GRID2: variants seen among roughly 807,000 people sequenced by gnomAD.
GRID2 encodes glutamate ionotropic receptor delta type subunit 2.
In GRID2, 33 loss-of-function variants were observed where a neutral mutation model predicts 114.8. That is an observed-to-expected ratio of 0.29 (90% CI 0.22 to 0.38). The LOEUF is 0.38. Ranked by LOEUF, GRID2 falls within the 10% of genes least tolerant of loss-of-function variation. The pLI is 1.00. For synonymous variants in GRID2, 505 were observed against 449.9 expected (o/e 1.12, Z -1.55); for missense variants, 1,184 against 1,257.7 (o/e 0.94, Z 0.89).
At chr4:92,928,068 C>T (rs1749959590) in intron 2 of GRID2, among the ~76,000 whole-genome samples, 1 of 151,538 alleles carries the variant, frequency 6.6e-6, no homozygotes, top group African/African-American at 2.4e-5. Flanking sequence ...TAATCCAGAC[C>T]AAAAGGGCTA....
chr4:93,387,800 A>G (rs1764470989), intron 8 of GRID2, among the ~76,000 whole-genome samples: 1 of 149,758 alleles, frequency 6.7e-6, no homozygotes, highest in Admixed American at 6.7e-5. Context: ...ACTGCACTCC[A>G]GTCTGGGCAA....
intron 14 of GRID2, among the ~76,000 whole-genome samples, chr4:93,695,000 C>T (rs991287388): frequency 5.3e-5 from 8 of 151,922 alleles, no homozygotes; most frequent in Admixed American, 6.6e-5. Context: ...AGTGAAACCC[C>T]GTCTCTACTA....
chr4:93,717,640 C>T (rs546542165), intron 14 of GRID2, among the ~76,000 whole-genome samples: 13 of 152,110 alleles, frequency 8.5e-5, no homozygotes, highest in East Asian at 5.8e-4. Flanking sequence ...TATAACCATA[C>T]GTTTAAGATC....
intron 14 of GRID2, among the ~76,000 whole-genome samples, chr4:93,735,409 T>G (rs1234583849): frequency 6.6e-6 from 1 of 152,020 alleles, no homozygotes; most frequent in Admixed American, 6.6e-5. Context: ...ATTTTCCACA[T>G]GTAATTTTAT....
intron 5 of GRID2, among the ~76,000 whole-genome samples, chr4:93,213,624 A>G (rs1040069132): frequency 3.9e-5 from 6 of 152,164 alleles, no homozygotes; most frequent in Admixed American, 2.6e-4. Flanking sequence ...TTTTTAGTCT[A>G]AATTGGCATC....
intron 13 of GRID2, among the ~76,000 whole-genome samples, chr4:93,552,484 A>G (rs1733860431): frequency 6.6e-6 from 1 of 152,140 alleles, no homozygotes; most frequent in South Asian, 2.1e-4. Context: ...GAACTAGTTG[A>G]CAGTCCCACC....
chr4:92,318,091 T>C (rs1726094064), intron 1 of GRID2, among the ~76,000 whole-genome samples: 1 of 151,890 alleles, frequency 6.6e-6, no homozygotes. Context: ...TTATAGACCA[T>C]GAAGAGGAAT....
At chr4:92,578,166 G>C in intron 1 of GRID2, among the ~76,000 whole-genome samples, 1 of 146,616 alleles carries the variant, frequency 6.8e-6, no homozygotes, top group Non-Finnish European at 1.5e-5. Context: ...TGTGCACAAC[G>C]TGCAGGTTAG....
chr4:93,746,469 C>A (rs1731849710), intron 14 of GRID2, among the ~76,000 whole-genome samples: 1 of 150,122 alleles, frequency 6.7e-6, no homozygotes, highest in African/African-American at 2.5e-5. Context: ...TCTTCCAACA[C>A]ATACAGGCCA....
At chr4:92,757,434 A>G (rs1737776906) in intron 2 of GRID2, among the ~76,000 whole-genome samples, 1 of 152,160 alleles carries the variant, frequency 6.6e-6, no homozygotes, top group African/African-American at 2.4e-5. Flanking sequence ...ATTTATTCAC[A>G]AACATTTATT....
intron 13 of GRID2, among the ~76,000 whole-genome samples, chr4:93,548,824 A>G (rs1733486724): frequency 6.6e-6 from 1 of 152,182 alleles, no homozygotes; most frequent in African/African-American, 2.4e-5. Flanking sequence ...GAGTAGAACT[A>G]ATGTACTGGA....
intron 4 of GRID2, among the ~76,000 whole-genome samples, chr4:93,147,471 T>C: frequency 6.6e-6 from 1 of 152,168 alleles, no homozygotes; most frequent in East Asian, 1.9e-4. Context: ...AAAATGTACT[T>C]TTTTTTGAAA....
rs2149482835 is a variant in GRID2 at position 93,216,749 on chromosome 4, T to C, written c.801T>C (p.Asp267=). The change falls in exon 6 of 16, where the codon GAT becomes GAC. Residue 267 remains aspartate, a synonymous_variant. Coordinates refer to ENST00000282020, the MANE Select transcript of GRID2 (RefSeq NM_001510.4). ...HWIIINEEIN[D]VDVQELVRRS... ...CTCTTATCTTATAGGAAATAAACGA[T>C]GTGGACGTACAGGAACTTGTAAGAA... is the stretch of plus-strand genomic sequence containing the variant. The C allele has an allele frequency of 6.2e-7, 1 of 1,606,084 alleles. No homozygotes were observed. Among genetic ancestry groups the C allele is most frequent in the South Asian group, 1.1e-5 (1 of 90,846 alleles).
intron 9 of GRID2, among the ~76,000 whole-genome samples, chr4:93,409,429 A>G (rs1206776853): frequency 6.6e-6 from 1 of 152,170 alleles, no homozygotes; most frequent in African/African-American, 2.4e-5. Flanking sequence ...AAGTCAGATC[A>G]GATTTCAAAT....
At chr4:92,925,705 T>C (rs1264453610) in intron 2 of GRID2, among the ~76,000 whole-genome samples, 2 of 152,064 alleles carry the variant, frequency 1.3e-5, no homozygotes, top group African/African-American at 4.8e-5. Flanking sequence ...TTGAAATTCC[T>C]ACCCAGGCAT....
chr4:92,697,022 A>ATT (rs1734452492), intron 2 of GRID2, among the ~76,000 whole-genome samples: 1 of 152,180 alleles, frequency 6.6e-6, no homozygotes, highest in Non-Finnish European at 1.5e-5. Context: ...TGTGAAATGA[A>ATT]TTTTAGTGTT....
chr4:92,411,652 T>TATATATATATATATATATATAC (rs1731319253), intron 1 of GRID2, among the ~76,000 whole-genome samples: 1 of 120,926 alleles, frequency 8.3e-6, no homozygotes, highest in Non-Finnish European at 1.7e-5. Context: ...TGTGTGTGTG[T>TATATATATATATATATATATAC]GTGTATATAT....
chr4:93,474,121 C>T (rs1384136951), intron 11 of GRID2, among the ~76,000 whole-genome samples: 10 of 152,050 alleles, frequency 6.6e-5, no homozygotes, highest in South Asian at 4.2e-4. Flanking sequence ...AATTCCAATA[C>T]TGGGTGCTTA....
chr4:93,312,213 G>C (rs1217865563), intron 8 of GRID2, among the ~76,000 whole-genome samples: 1 of 152,146 alleles, frequency 6.6e-6, no homozygotes, highest in Non-Finnish European at 1.5e-5. Context: ...CTCATAGAAG[G>C]CCAATATGTT....
Sources: allele counts gnomAD v4.1 joint callset (sites outside exome capture counted in the v4.1 genomes callset), GRCh38; gene constraint gnomAD v4.1.1; transcripts MANE v1.5; gene names NCBI Gene and HGNC (gene_info 2026-07-23, HGNC 2026-07-21).